The following PI4K2A variants were observed in gnomAD, a reference collection of about 807,000 sequenced individuals.
The protein encoded by PI4K2A is phosphatidylinositol 4-kinase type 2 alpha.
A neutral mutation model predicts 55.0 loss-of-function variants in PI4K2A; 20 were observed. The observed-to-expected ratio is 0.36, with a 90% CI of 0.26 to 0.53. PI4K2A has a LOEUF of 0.53. Ranked by LOEUF, PI4K2A falls within the 20% of genes least tolerant of loss-of-function variation. The pLI, the probability that PI4K2A is intolerant of heterozygous loss-of-function variation, is 0.91. For missense variants in PI4K2A, 463 were observed against 637.1 expected, an observed-to-expected ratio of 0.73 and a Z score of 2.94; for synonymous variants, 235 against 258.5, an observed-to-expected ratio of 0.91 and a Z score of 0.87.
At chr10:97,668,133 G>T (rs983078458) in intron 8 of PI4K2A, among the ~76,000 whole-genome samples, 7 of 152,232 alleles carry the variant, frequency 4.6e-5, no homozygotes, top group African/African-American at 1.7e-4. Flanking sequence ...CTTAAAGAGA[G>T]TTGGGATGAC....
chr10:97,663,022 AAAC>A, intron 5 of PI4K2A, 54 bp downstream of exon 5: 1 of 1,169,614 alleles, frequency 8.5e-7, no homozygotes, highest in Non-Finnish European at 1.3e-6. Flanking sequence ...CATAATATAG[AAAC>A]ACATAAAATG....
chr10:97,672,564 C>A (rs1030613186), intron 8 of PI4K2A, among the ~76,000 whole-genome samples: 10 of 151,924 alleles, frequency 6.6e-5, no homozygotes. Flanking sequence ...GGTTAAATTT[C>A]TATATATTTT....
intron 6 of PI4K2A, among the ~76,000 whole-genome samples, chr10:97,665,473 C>T (rs1305129694): frequency 2.0e-5 from 3 of 151,820 alleles, no homozygotes; most frequent in Non-Finnish European, 4.4e-5. Context: ...GGGGTTTCAC[C>T]ATGTTGGCCA....
chr10:97,657,112 G>A, intron 4 of PI4K2A, 138 bp downstream of exon 4: 1 of 754,324 alleles, frequency 1.3e-6, no homozygotes. Context: ...GGTGAGGCCT[G>A]GAGTTAGTAT....
intron 8 of PI4K2A, among the ~76,000 whole-genome samples, chr10:97,668,008 G>A (rs2135761780): frequency 6.6e-6 from 1 of 152,286 alleles, no homozygotes; most frequent in South Asian, 2.1e-4. Context: ...CCTTCAAAGG[G>A]AGCTAAGGAA....
chr10:97,642,965 T>C (rs1178537083), intron 1 of PI4K2A, among the ~76,000 whole-genome samples: 2 of 147,362 alleles, frequency 1.4e-5, no homozygotes. Context: ...TCTTTTTCTT[T>C]CTTTCTTTCA....
intron 1 of PI4K2A, among the ~76,000 whole-genome samples, chr10:97,642,958 TTTTC>T (rs779504748): frequency 4.7e-5 from 7 of 148,804 alleles, no homozygotes; most frequent in South Asian, 2.1e-4. Context: ...CTTTCTTTCT[TTTTC>T]TTTCTTTCTT....
At chr10:97,660,722 A>G (rs1470878212) in intron 4 of PI4K2A, among the ~76,000 whole-genome samples, 4 of 150,990 alleles carry the variant, frequency 2.6e-5, no homozygotes, top group South Asian at 2.1e-4. Context: ...TTATCCTCTC[A>G]GTTTATAGAT....
chr10:97,672,720 C>CTGT (rs1589939802), intron 8 of PI4K2A, among the ~76,000 whole-genome samples: 4 of 86,056 alleles, frequency 4.6e-5, no homozygotes, highest in South Asian at 9.0e-4. Flanking sequence ...GTCAGAGGGT[C>CTGT]TGTTCTTTTT....
At chr10:97,667,718 A>G (rs1327049482) in intron 8 of PI4K2A, among the ~76,000 whole-genome samples, 1 of 152,206 alleles carries the variant, frequency 6.6e-6, no homozygotes, top group Non-Finnish European at 1.5e-5. Flanking sequence ...GAGTTGCTCA[A>G]GGCAGGCTGT....
At chr10:97,644,773 G>T (rs1162122633) in intron 1 of PI4K2A, among the ~76,000 whole-genome samples, 1 of 152,244 alleles carries the variant, frequency 6.6e-6, no homozygotes, top group Non-Finnish European at 1.5e-5. Flanking sequence ...AGCTGTAGTA[G>T]TGGCTGGGAA....
At chr10:97,658,940 T>A (rs571248361) in intron 4 of PI4K2A, among the ~76,000 whole-genome samples, 117 of 152,362 alleles carry the variant, frequency 7.7e-4, no homozygotes, top group Non-Finnish European at 1.1e-3. Flanking sequence ...TATTGTTGAG[T>A]TCTCTATACA....
chr10:97,663,863 C>T (rs116311725), intron 5 of PI4K2A, among the ~76,000 whole-genome samples: 1 of 149,730 alleles, frequency 6.7e-6, no homozygotes, highest in Non-Finnish European at 1.5e-5. Flanking sequence ...GGGTCTTGCT[C>T]TGTTGCGCAG....
chr10:97,668,482 G>T lies in PI4K2A; in HGVS notation c.1278+1362G>T, dbSNP rs576993155. On this transcript the variant is annotated intron_variant, in intron 8 of 8. Coordinates refer to ENST00000370631, the Ensembl canonical transcript of PI4K2A. The stretch of plus-strand genomic sequence containing the variant: ...AATCCCAGCTACTCAGGAGGCTGAG[G>T]TGGAAGGATTGCTTGGGCCTGGGAG... Among the ~76,000 whole-genome samples the T allele has an allele frequency of 5.9e-5, 9 of 152,318 alleles. No homozygotes were observed. In the South Asian group the frequency reaches 1.9e-3, roughly 32 times the overall value.
intron 2 of PI4K2A, among the ~76,000 whole-genome samples, chr10:97,652,991 T>C (rs2041536507): frequency 6.6e-6 from 1 of 152,242 alleles, no homozygotes; most frequent in South Asian, 2.1e-4. Flanking sequence ...CCTGGCTTTG[T>C]ACAGCTCATT....
intron 1 of PI4K2A, among the ~76,000 whole-genome samples, chr10:97,645,402 A>T (rs935778394): frequency 2.6e-5 from 4 of 152,110 alleles, no homozygotes; most frequent in African/African-American, 9.6e-5. Flanking sequence ...AGGTCAGGAG[A>T]TAGAGACCAT....
At chr10:97,642,941 T>G (rs1226177472) in intron 1 of PI4K2A, among the ~76,000 whole-genome samples, 1 of 147,214 alleles carries the variant, frequency 6.8e-6, no homozygotes, top group Admixed American at 6.8e-5. Flanking sequence ...TTCCTTTCTT[T>G]CTTTCTCTTT....
Position 97,658,664 on chromosome 10 carries a change from C to T in PI4K2A, c.922+1690C>T, listed in dbSNP as rs138245392. ...ATTTTACATTCCCACCAACAGCACA[C>T]GAGGGTTCCTTCCAATTTCTCACCA... On this transcript the variant is annotated intron_variant, in intron 4 of 8. Coordinates refer to ENST00000370631, the Ensembl canonical transcript of PI4K2A. Among the ~76,000 whole-genome samples, 144 of 152,292 alleles carry T rather than the reference C, an allele frequency of 9.5e-4. 1 individual carries two copies. Among genetic ancestry groups the T allele is most frequent in the African/African-American group, 3.3e-3 (138 of 41,570 alleles).
At chr10:97,661,941 C>T (rs2041586329) in intron 4 of PI4K2A, among the ~76,000 whole-genome samples, 1 of 150,974 alleles carries the variant, frequency 6.6e-6, no homozygotes, top group Non-Finnish European at 1.5e-5. Flanking sequence ...CAGCAGCCTC[C>T]AACACTTGGC....
Sources: gnomAD v4.1 joint callset for allele counts (sites outside exome capture counted in the v4.1 genomes callset) on GRCh38, gnomAD v4.1.1 for gene constraint, MANE v1.5 for transcripts, NCBI Gene and HGNC (gene_info 2026-07-23, HGNC 2026-07-21) for gene names.